The following NUFIP1 variants were observed in gnomAD, a reference collection of about 807,000 sequenced individuals.
NUFIP1 encodes the protein FMR1-interacting protein NUFIP1.
NUFIP1 carries 38 observed loss-of-function variants against 56.2 expected under a neutral mutation model. That is an observed-to-expected ratio of 0.68 (90% CI 0.52 to 0.89). The LOEUF is 0.89. Among genes scored for constraint, NUFIP1 ranks in the 40% least tolerant of loss-of-function variants. NUFIP1 has a pLI of 0.00. For missense variants in NUFIP1, 567 were observed against 605.8 expected, an observed-to-expected ratio of 0.94 and a Z score of 0.67; for synonymous variants, 215 against 212.4, an observed-to-expected ratio of 1.01 and a Z score of -0.10.
intron 6 of NUFIP1, 66 bp from the exon 7 acceptor site, chr13:44,959,640 G>C: frequency 7.4e-7 from 1 of 1,349,326 alleles, no homozygotes. Flanking sequence ...TTTTGAAAAA[G>C]ACTACTAGAT....
intron 9 of NUFIP1, 42 bp from the exon 10 acceptor site, chr13:44,941,364 A>G: frequency 1.7e-6 from 2 of 1,157,070 alleles, no homozygotes; most frequent in South Asian, 1.3e-5. Context: ...TAAATAAATT[A>G]TATCTGGGAA....
At chr13:44,986,263 AAGG>A (rs35693738) in intron 1 of NUFIP1, among the ~76,000 whole-genome samples, 4,855 of 152,302 alleles carry the variant, frequency 0.032, 104 homozygotes, top group East Asian at 0.12. Flanking sequence ...TGATTTATGG[AAGG>A]AGGTCAAAAG....
At chr13:44,962,683 C>T (rs1259842933) in intron 6 of NUFIP1, among the ~76,000 whole-genome samples, 1 of 152,180 alleles carries the variant, frequency 6.6e-6, no homozygotes, top group African/African-American at 2.4e-5. Flanking sequence ...ATAGCAGCCT[C>T]CTGGGCCTTC....
At chr13:44,946,552 C>G (rs531577227) in intron 8 of NUFIP1, among the ~76,000 whole-genome samples, 27 of 152,270 alleles carry the variant, frequency 1.8e-4, no homozygotes, top group African/African-American at 6.3e-4. Context: ...CTTAGTGATT[C>G]TTACAGACCC....
chr13:44,981,670 G>C (rs1272322791), intron 2 of NUFIP1, among the ~76,000 whole-genome samples: 1 of 152,040 alleles, frequency 6.6e-6, no homozygotes, highest in Non-Finnish European at 1.5e-5. Context: ...AATTAGCCAG[G>C]TGTGGTGGTG....
chr13:44,949,112 A>T (rs1183847209), intron 8 of NUFIP1, among the ~76,000 whole-genome samples: 2 of 151,886 alleles, frequency 1.3e-5, no homozygotes, highest in Non-Finnish European at 2.9e-5. Context: ...GAAAAAAATG[A>T]ATTTTCTTTT....
chr13:44,943,789 T>A, intron 8 of NUFIP1, 115 bp from the exon 9 acceptor site: 1 of 759,324 alleles, frequency 1.3e-6, no homozygotes, highest in Non-Finnish European at 2.1e-6. Context: ...ATTGTTCACT[T>A]AATAACTTAA....
chr13:44,962,887 G>A (rs1409267204), intron 6 of NUFIP1, among the ~76,000 whole-genome samples: 1 of 152,070 alleles, frequency 6.6e-6, no homozygotes, highest in African/African-American at 2.4e-5. Context: ...CACGGTACAG[G>A]GCTGTAGCCT....
chr13:44,964,400 T>C (rs1219163410), intron 6 of NUFIP1, among the ~76,000 whole-genome samples: 2 of 152,168 alleles, frequency 1.3e-5, no homozygotes, highest in Non-Finnish European at 2.9e-5. Context: ...ACACAGGGCA[T>C]GAAGCAACAA....
rs188632973 is a variant in NUFIP1, at chr13:44,980,091, A to C, written c.595-139T>G. 5.4e-6 allele frequency: 3 copies of C among 555,080 alleles called. No individual in the cohort carries two copies. In the African/African-American group the frequency reaches 5.8e-5, roughly 11 times the overall value. 34.4% of individuals were successfully genotyped at this position (555,080 alleles called of 1,614,324 possible). A position where few individuals can be genotyped will look rare whatever the true frequency, so the allele number is the denominator to read the frequency against. On this transcript the variant is annotated intron_variant, in intron 3 of 9. Transcript: ENST00000379161. ...GTATAGTATTATCTCTGCATACAAA[A>C]ATGACTCCAAAACAGGGCTGCCTTT...
chr13:44,955,761 G>A (rs1048115154), intron 7 of NUFIP1, among the ~76,000 whole-genome samples: 1 of 152,022 alleles, frequency 6.6e-6, no homozygotes, highest in Non-Finnish European at 1.5e-5. Flanking sequence ...GGCCTCCCTG[G>A]GCCGCATTGG....
intron 5 of NUFIP1, among the ~76,000 whole-genome samples, chr13:44,972,086 C>G (rs1298000506): frequency 1.3e-5 from 2 of 152,156 alleles, no homozygotes; most frequent in African/African-American, 4.8e-5. Context: ...TAAAACTATC[C>G]TCCTACACAG....
rs144613625 is a variant in NUFIP1 at position 44,978,935 on chromosome 13, C to T, written c.734+255G>A. On this transcript the variant is annotated intron_variant, in intron 5 of 9. Coordinates refer to ENST00000379161, the MANE Select transcript of NUFIP1 (RefSeq NM_012345.3). ...TACCCACCCATTATTGCCTCAACCA[C>T]TGAACATCTGACAGGTGACATGCAG... is the stretch of plus-strand genomic sequence containing the variant. Among the ~76,000 whole-genome samples the T allele has an allele frequency of 1.8e-3, 280 of 152,308 alleles. 1 individual carries two copies. Among genetic ancestry groups the T allele is most frequent in the Middle Eastern group, 6.8e-3 (2 of 294 alleles).
rs186726024 is a variant in NUFIP1 at position 44,969,550 on chromosome 13, T to G, written c.735-3614A>C. On this transcript the variant is annotated intron_variant, in intron 5 of 9. Transcript: ENST00000379161. ...TTTTCACAGTTGGTTTTTCTATATT[T>G]TTATCTACTAAAATCATTTTCTCCC... Among the ~76,000 whole-genome samples the G allele has an allele frequency of 3.4e-4, 52 of 152,312 alleles. No homozygotes were observed. The East Asian group carries it at 6.2e-3, about 18-fold the overall frequency.
intron 1 of NUFIP1, among the ~76,000 whole-genome samples, chr13:44,983,188 C>T (rs1234836965): frequency 2.0e-5 from 3 of 151,560 alleles, no homozygotes; most frequent in African/African-American, 7.3e-5. Flanking sequence ...TTTTTTTTGG[C>T]GGGGGAGATG....
intron 5 of NUFIP1, among the ~76,000 whole-genome samples, chr13:44,967,306 G>A (rs1775441902): frequency 6.6e-6 from 1 of 151,904 alleles, no homozygotes; most frequent in Admixed American, 6.6e-5. Context: ...TCAGGAGTTC[G>A]AGACCAGCCT....
rs781779307 is a variant in NUFIP1, at chr13:44,959,466, T to C, written c.936A>G (p.Ser312=). 18 of 1,614,098 alleles carry C rather than the reference T, an allele frequency of 1.1e-5. No individual in the cohort carries two copies. The highest frequency in any genetic ancestry group is 4.5e-5 in the East Asian group (2 of 44,902). The change falls in exon 7 of 10, where the codon TCA becomes TCG. Residue 312 remains serine (S), a synonymous_variant. Coordinates refer to ENST00000379161, the MANE Select transcript of NUFIP1 (RefSeq NM_012345.3). ...GCTTCAAATCACACAAGTGACTGCC[T>C]GATCCAGTGACTGCTCTCTGTCTAG... ...DNSRQRAVTG[S]GSHLCDLKLE...
At chr13:44,942,673 TC>T (rs1593355436) in intron 9 of NUFIP1, among the ~76,000 whole-genome samples, 1 of 152,220 alleles carries the variant, frequency 6.6e-6, no homozygotes, top group East Asian at 1.9e-4. Flanking sequence ...TCAAACAGCT[TC>T]ATGTCCACTA....
chr13:44,954,282 T>C (rs974110944), intron 7 of NUFIP1, among the ~76,000 whole-genome samples: 1 of 152,210 alleles, frequency 6.6e-6, no homozygotes, highest in Admixed American at 6.5e-5. Flanking sequence ...ATTAAAACAT[T>C]AGCGACACTT....
Sources: allele counts gnomAD v4.1 joint callset (sites outside exome capture counted in the v4.1 genomes callset), GRCh38; gene constraint gnomAD v4.1.1; transcripts MANE v1.5; gene names NCBI Gene and HGNC (gene_info 2026-07-23, HGNC 2026-07-21).